Variants in MTBP observed in about 807,000 individuals in gnomAD.
MTBP encodes mdm2-binding protein.
Under a neutral mutation model 117.0 loss-of-function variants are expected in MTBP, and 101 were observed. That is an observed-to-expected ratio of 0.86 (90% confidence interval 0.73 to 1.02). MTBP has a LOEUF of 1.02. Ranked by LOEUF, MTBP falls within the 50% of genes least tolerant of loss-of-function variation. The probability of loss-of-function intolerance (pLI) is 0.00; values close to 1 mark genes in which losing one functional copy is unlikely to be tolerated. For synonymous variants in MTBP, 350 were observed against 351.5 expected, an observed-to-expected ratio of 1.00 and a Z score of 0.05; for missense variants, 970 against 1,030.9, an observed-to-expected ratio of 0.94 and a Z score of 0.81.
At chr8:120,509,428 C>T (rs1241129969) in intron 16 of MTBP, among the ~76,000 whole-genome samples, 1 of 152,046 alleles carries the variant, frequency 6.6e-6, no homozygotes, top group Non-Finnish European at 1.5e-5. Context: ...ATGGTGAAAC[C>T]CTGTCTCTAC....
At chr8:120,515,687 C>T (rs1429581142) in intron 17 of MTBP, among the ~76,000 whole-genome samples, 1 of 151,930 alleles carries the variant, frequency 6.6e-6, no homozygotes, top group Non-Finnish European at 1.5e-5. Flanking sequence ...TGCCCAGAAA[C>T]ACAAGTGAAA....
chr8:120,493,787 G>A (rs188752109), intron 13 of MTBP, among the ~76,000 whole-genome samples: 25 of 152,084 alleles, frequency 1.6e-4, no homozygotes, highest in African/African-American at 4.8e-4. Context: ...CAACACACCC[G>A]GCCAGATTTG....
intron 15 of MTBP, 148 bp from the exon 16 acceptor site, chr8:120,506,558 A>G: frequency 1.9e-6 from 1 of 525,038 alleles, no homozygotes; most frequent in Non-Finnish European, 3.3e-6. Flanking sequence ...GTCTGTCCTA[A>G]ATGTTTAATT....
At chr8:120,511,560 T>G (rs13263732) in intron 17 of MTBP, among the ~76,000 whole-genome samples, 83,550 of 152,098 alleles carry the variant, frequency 0.55, 25,378 homozygotes, top group Non-Finnish European at 0.67. Flanking sequence ...CTCAAAAAGT[T>G]CTGGGATTAC....
chr8:120,476,487 G>A (rs1813941979), intron 11 of MTBP, among the ~76,000 whole-genome samples: 2 of 152,096 alleles, frequency 1.3e-5, no homozygotes, highest in African/African-American at 4.8e-5. Context: ...CAGGCAACAT[G>A]ATTGTATATT....
intron 4 of MTBP, chr8:120,452,368 G>A (rs555631210): frequency 6.6e-6 from 1 of 152,142 alleles, no homozygotes; most frequent in African/African-American, 2.4e-5. Flanking sequence ...ATTGAACCAG[G>A]GATTAGTAGA....
intron 2 of MTBP, among the ~76,000 whole-genome samples, chr8:120,447,606 A>C (rs1302430244): frequency 6.6e-6 from 1 of 152,202 alleles, no homozygotes; most frequent in African/African-American, 2.4e-5. Context: ...CAATCCTAAT[A>C]TAATCAATGA....
chr8:120,510,869 C>T (rs1323612890), intron 17 of MTBP, among the ~76,000 whole-genome samples: 2 of 151,168 alleles, frequency 1.3e-5, no homozygotes, highest in Non-Finnish European at 2.9e-5. Context: ...ATGAACATGC[C>T]ACTGCACTCC....
intron 11 of MTBP, among the ~76,000 whole-genome samples, chr8:120,480,766 G>C (rs191026242): frequency 6.6e-6 from 1 of 151,966 alleles, no homozygotes; most frequent in South Asian, 2.1e-4. Flanking sequence ...CTTAATTCAA[G>C]AGCTAAAATT....
At chr8:120,483,339 AT>A (rs1212240133) in intron 11 of MTBP, among the ~76,000 whole-genome samples, 1 of 151,924 alleles carries the variant, frequency 6.6e-6, no homozygotes, top group African/African-American at 2.4e-5. Flanking sequence ...TTATTATTTC[AT>A]TTTTGGAATG....
intron 16 of MTBP, among the ~76,000 whole-genome samples, chr8:120,508,431 A>G (rs563400822): frequency 6.6e-6 from 1 of 152,316 alleles, no homozygotes; most frequent in East Asian, 1.9e-4. Flanking sequence ...CTAGATAAAG[A>G]TTTCCATTTT....
Position 120,445,534 on chromosome 8 carries a change from G to T in MTBP, c.64G>T (p.Glu22Ter), listed in dbSNP as rs773814180. Residue 22 changes from glutamate to a stop codon, truncating the protein, a stop_gained, in exon 1 of 22, where the codon GAG becomes TAG. Transcript: ENST00000305949. LOFTEE classifies it high-confidence loss of function. ...AAAATTCCCGTCGGCGGCCAGTAGGGAGGCAGAACATGGGCCAGAGGTGTC... is the reference window on the plus strand; with the variant it reads ...AAAATTCCCGTCGGCGGCCAGTAGGTAGGCAGAACATGGGCCAGAGGTGTC... The part of the protein sequence containing the change: ...EGKFPSAASR[E>*]AEHGPEVSSG... 1 of 1,613,784 alleles carries T rather than the reference G, an allele frequency of 6.2e-7. No homozygotes were observed. Among genetic ancestry groups the T allele is most frequent in the Non-Finnish European group, 8.5e-7 (1 of 1,179,830 alleles).
At position 120,453,991 on chromosome 8, in the gene MTBP, T is replaced by G. The variant is rs907961559; in HGVS notation, c.484+86T>G. ...ATGATAAATTTGTTCTTTATGTTAG[T>G]GTTCTCACTCTAATCTTTAAATTAA... On this transcript the variant is annotated intron_variant, in intron 5 of 21. Coordinates refer to ENST00000305949, the MANE Select transcript of MTBP (RefSeq NM_022045.5). 6.7e-6 allele frequency: 5 copies of G among 743,518 alleles called. No homozygotes were observed. In the East Asian group the frequency reaches 8.5e-5, roughly 13 times the overall value. The allele number at this position is 743,518 out of a possible 1,614,324, so 46.1% of individuals were successfully genotyped here.
chr8:120,478,228 G>T (rs2130561617), intron 11 of MTBP, among the ~76,000 whole-genome samples: 1 of 152,102 alleles, frequency 6.6e-6, no homozygotes, highest in African/African-American at 2.4e-5. Flanking sequence ...ACAGGGAGGG[G>T]AACATCACAT....
At chr8:120,461,075 T>C (rs1268766294) in intron 8 of MTBP, 86 bp from the exon 9 acceptor site, 3 of 984,880 alleles carry the variant, frequency 3.0e-6, no homozygotes, top group Non-Finnish European at 4.5e-6. Context: ...TTAAGATCCA[T>C]TTTAAAGTTT....
chr8:120,472,996 A>C (rs982893995), intron 11 of MTBP: 1 of 152,158 alleles, frequency 6.6e-6, no homozygotes, highest in African/African-American at 2.4e-5. Flanking sequence ...TCCACTGGGG[A>C]TTGGTTCCAG....
At chr8:120,522,478 G>C (rs1184366778) in intron 20 of MTBP, among the ~76,000 whole-genome samples, 176 bp from the exon 21 acceptor site, 1 of 152,166 alleles carries the variant, frequency 6.6e-6, no homozygotes, top group Non-Finnish European at 1.5e-5. Context: ...TGATATTTCA[G>C]AATGGAACTA....
Position 120,488,297 on chromosome 8 carries a change from G to A in MTBP, c.1304G>A (p.Gly435Glu). 6.4e-7 allele frequency: 1 copy of A among 1,564,066 alleles called. No individual in the cohort carries two copies. Among genetic ancestry groups the A allele is most frequent in the Middle Eastern group, 1.7e-4 (1 of 5,948 alleles). ...TCATTTGCACTCAATTTAATTCATG[G>A]AAAGATGAAAACAAAGACAGAAGAA... The part of the protein sequence containing the change: ...NGSFALNLIH[G>E]KMKTKTEEAK... Residue 435 changes from glycine to glutamate, a missense_variant, in exon 12 of 22, where the codon GGA (glycine) becomes GAA (glutamate). Physicochemically the swap from Gly to Glu is moderately conservative, Grantham distance 98. Coordinates refer to ENST00000305949, the MANE Select transcript of MTBP (RefSeq NM_022045.5).
chr8:120,466,969 G>A (rs2130540604), intron 10 of MTBP, among the ~76,000 whole-genome samples: 1 of 152,286 alleles, frequency 6.6e-6, no homozygotes, highest in East Asian at 1.9e-4. Flanking sequence ...ATGCTTGTTT[G>A]TAATATTGGA....
Sources: allele counts gnomAD v4.1 joint callset (sites outside exome capture counted in the v4.1 genomes callset), GRCh38; gene constraint gnomAD v4.1.1; transcripts MANE v1.5; gene names NCBI Gene and HGNC (gene_info 2026-07-23, HGNC 2026-07-21).